Variants in DLGAP1 observed in about 807,000 individuals in gnomAD.
DLGAP1 encodes the protein DLG associated protein 1.
Under a neutral mutation model 90.8 loss-of-function variants are expected in DLGAP1, and 11 were observed. The observed-to-expected ratio is 0.12, with a 90% CI of 0.08 to 0.20. DLGAP1 has a LOEUF of 0.20. DLGAP1 is among the 10% of genes least tolerant of loss of function. The pLI is 1.00. For missense variants in DLGAP1, 1,050 were observed against 1,333.8 expected (o/e 0.79, Z 3.31); for synonymous variants, 558 against 540.7 (o/e 1.03, Z -0.44).
Position 3,830,042 on chromosome 18 carries a change from G to A in DLGAP1, c.958-15769C>T, listed in dbSNP as rs150481561. On this transcript the variant is annotated intron_variant, in intron 4 of 12. Coordinates refer to ENST00000315677, the MANE Select transcript of DLGAP1 (RefSeq NM_004746.4). ...AGGAACTATGGTTTGGGTCAAAGAC[G>A]TGAGTGTAAAGACCATCTCCTCACT... Among the ~76,000 whole-genome samples, 263 of 152,290 alleles carry A rather than the reference G, an allele frequency of 1.7e-3. 2 individuals carry two copies. Among genetic ancestry groups the A allele is most frequent in the Middle Eastern group, 3.4e-3 (1 of 294 alleles).
At position 4,084,696 on chromosome 18, in the gene DLGAP1, C is replaced by T. The variant is rs1341146115; in HGVS notation, c.-159+66484G>A. 6.6e-6 allele frequency among the ~76,000 whole-genome samples: 1 copy of T among 152,196 alleles called. No individual in the cohort carries two copies. Among genetic ancestry groups the T allele is most frequent in the Non-Finnish European group, 1.5e-5 (1 of 68,038 alleles). On this transcript the variant is annotated intron_variant, in intron 2 of 12. Transcript: ENST00000315677. This position sits in a 1 kb window ranked among gnomAD's most constrained non-coding sequence, Gnocchi z 4.0. ...CACGATTATCTACTTATTTACCAAACTTAGCATAAAAATACATGGGGTTAC... is the reference window on the plus strand; with the variant it reads ...CACGATTATCTACTTATTTACCAAATTTAGCATAAAAATACATGGGGTTAC...
Position 4,355,426 on chromosome 18 carries a change from T to A in DLGAP1, c.-267+99580A>T, listed in dbSNP as rs188262746. On this transcript the variant is annotated intron_variant, in intron 1 of 12. Coordinates refer to ENST00000315677, the MANE Select transcript of DLGAP1 (RefSeq NM_004746.4). ...CAAAATTATAGAGATGGAGAAGAGA[T>A]TAGTGGGTACCAGGGGATAGGAATA... Among the ~76,000 whole-genome samples the A allele has an allele frequency of 2.7e-3, 415 of 152,272 alleles. 3 individuals are homozygous for A. The highest frequency in any genetic ancestry group is 4.4e-3 in the Non-Finnish European group (296 of 68,018).
chr18:4,255,474 CATATAT>C (rs71840409), intron 1 of DLGAP1, among the ~76,000 whole-genome samples: 16 of 147,398 alleles, frequency 1.1e-4, no homozygotes, highest in African/African-American at 4.0e-4. Context: ...GAGAGATATA[CATATAT>C]ATATATATTT....
At chr18:3,951,191 A>G (rs965092908) in intron 3 of DLGAP1, among the ~76,000 whole-genome samples, 8 of 152,258 alleles carry the variant, frequency 5.3e-5, no homozygotes, top group African/African-American at 1.9e-4. Context: ...CATTCTAACC[A>G]GAACAAAATT....
intron 3 of DLGAP1, among the ~76,000 whole-genome samples, chr18:3,907,175 C>T (rs2071928221): frequency 6.6e-6 from 1 of 152,132 alleles, no homozygotes; most frequent in South Asian, 2.1e-4. Flanking sequence ...GACCAATACC[C>T]CCCCAAATCG....
intron 7 of DLGAP1, among the ~76,000 whole-genome samples, chr18:3,723,172 A>C (rs538750248): frequency 1.3e-5 from 2 of 152,184 alleles, no homozygotes; most frequent in Non-Finnish European, 2.9e-5. Flanking sequence ...CTCTGCTTTT[A>C]AAAGAGGGAA....
At chr18:3,646,791 G>T (rs1046235614) in intron 7 of DLGAP1, among the ~76,000 whole-genome samples, 1 of 152,062 alleles carries the variant, frequency 6.6e-6, no homozygotes, top group Admixed American at 6.6e-5. Context: ...CGGGCGTGGT[G>T]GTGGGCGCCT....
At chr18:3,766,215 A>G (rs549497395) in intron 5 of DLGAP1, among the ~76,000 whole-genome samples, 72 of 151,272 alleles carry the variant, frequency 4.8e-4, no homozygotes, top group Middle Eastern at 3.4e-3. Context: ...ACTACAAAGT[A>G]AAAAAAGTCA....
At chr18:4,279,549 G>C (rs2079500878) in intron 1 of DLGAP1, among the ~76,000 whole-genome samples, 1 of 152,264 alleles carries the variant, frequency 6.6e-6, no homozygotes, top group Admixed American at 6.5e-5. Flanking sequence ...AAGATTCAAA[G>C]CTGTAGGTAA....
intron 7 of DLGAP1, among the ~76,000 whole-genome samples, chr18:3,593,578 G>A (rs2056401512): frequency 6.6e-6 from 1 of 151,948 alleles, no homozygotes; most frequent in African/African-American, 2.4e-5. Flanking sequence ...AAATATGCTT[G>A]TGTGTGTGTG....
At chr18:3,615,434 A>C (rs568618738) in intron 7 of DLGAP1, among the ~76,000 whole-genome samples, 13 of 152,088 alleles carry the variant, frequency 8.5e-5, no homozygotes, top group Non-Finnish European at 1.6e-4. Context: ...ACCTTTTTTG[A>C]ATTTCCAGCA....
At chr18:4,061,850 CACAG>C (rs146952440) in intron 2 of DLGAP1, among the ~76,000 whole-genome samples, 35,765 of 151,808 alleles carry the variant, frequency 0.24, 5,349 homozygotes, top group African/African-American at 0.41. Flanking sequence ...TTTTGTCATC[CACAG>C]ACAGTTTTTG....
chr18:3,661,357 G>C (rs1277416087), intron 7 of DLGAP1, among the ~76,000 whole-genome samples: 1 of 152,144 alleles, frequency 6.6e-6, no homozygotes, highest in Non-Finnish European at 1.5e-5. Context: ...TGGCTGCTTT[G>C]ACCATTAGAA....
At chr18:3,989,919 A>C (rs920711461) in intron 3 of DLGAP1, among the ~76,000 whole-genome samples, 1 of 152,330 alleles carries the variant, frequency 6.6e-6, no homozygotes, top group Non-Finnish European at 1.5e-5. Context: ...AATGCAAATC[A>C]AAACCACAAT....
Position 3,531,940 on chromosome 18 carries a change from C to G in DLGAP1, c.2479+2254G>C, listed in dbSNP as rs528669581. 4.3e-4 allele frequency among the ~76,000 whole-genome samples: 66 copies of G among 152,286 alleles called. 1 individual carries two copies. The highest frequency in any genetic ancestry group is 6.2e-4 in the South Asian group (3 of 4,824). On this transcript the variant is annotated intron_variant, in intron 10 of 12. Coordinates refer to ENST00000315677, the MANE Select transcript of DLGAP1 (RefSeq NM_004746.4). The stretch of plus-strand genomic sequence containing the variant: ...GCACAGTCTCAGCTTGCCGCAACCT[C>G]TGCCTCTGGGTTTAAGCAATTCTCC...
At chr18:4,409,931 T>TA (rs910810877) in intron 1 of DLGAP1, among the ~76,000 whole-genome samples, 12 of 152,078 alleles carry the variant, frequency 7.9e-5, no homozygotes, top group Admixed American at 2.0e-4. Context: ...AACGAGTGGA[T>TA]AAAAAAATCT....
rs1381721961 is a variant in DLGAP1, at chr18:4,342,123, A to G, written c.-267+112883T>C. On this transcript the variant is annotated intron_variant, in intron 1 of 12. Coordinates refer to ENST00000315677, the MANE Select transcript of DLGAP1 (RefSeq NM_004746.4). This position sits in a 1 kb window ranked among gnomAD's most constrained non-coding sequence, Gnocchi z 5.8. ...TCCCTTCCCAAATCCATAGAATTTT[A>G]AAAGACACAAGATTCAATACCTGGC... 6.6e-6 allele frequency among the ~76,000 whole-genome samples: 1 copy of G among 152,170 alleles called. No individual in the cohort carries two copies. The highest frequency in any genetic ancestry group is 1.9e-4 in the East Asian group (1 of 5,188).
intron 7 of DLGAP1, among the ~76,000 whole-genome samples, chr18:3,634,697 T>A (rs374406844): frequency 5.3e-5 from 8 of 152,218 alleles, no homozygotes; most frequent in African/African-American, 1.4e-4. Flanking sequence ...GCTGTTATAG[T>A]CAACCACATG....
intron 4 of DLGAP1, among the ~76,000 whole-genome samples, chr18:3,840,961 C>T (rs1598961622): frequency 6.6e-6 from 1 of 152,186 alleles, no homozygotes; most frequent in African/African-American, 2.4e-5. Context: ...AACCTAAAAA[C>T]TCTCATGGTC....
Sources: allele counts gnomAD v4.1 joint callset (sites outside exome capture counted in the v4.1 genomes callset), GRCh38; gene constraint gnomAD v4.1.1; non-coding constraint Gnocchi (gnomAD v3.1); transcripts MANE v1.5; gene names NCBI Gene and HGNC (gene_info 2026-07-23, HGNC 2026-07-21).